Variants in ADK observed in about 807,000 individuals in gnomAD.
ADK encodes the protein N6,N6-dimethyladenosine kinase.
A neutral mutation model predicts 44.7 loss-of-function variants in ADK; 24 were observed. The ratio of observed to expected loss-of-function variants is 0.54; its 90% CI spans 0.39 to 0.76. The LOEUF is 0.76. Among genes scored for constraint, ADK ranks in the 30% least tolerant of loss-of-function variants. ADK has a pLI of 0.00. For missense variants in ADK, 321 were observed against 425.1 expected, an observed-to-expected ratio of 0.76 and a Z score of 2.15; for synonymous variants, 128 against 142.6, an observed-to-expected ratio of 0.90 and a Z score of 0.73.
intron 7 of ADK, among the ~76,000 whole-genome samples, chr10:74,577,901 ACTGTACC>A (rs2133883417): frequency 6.6e-6 from 1 of 152,242 alleles, no homozygotes; most frequent in African/African-American, 2.4e-5. Flanking sequence ...AAAAAATAAA[ACTGTACC>A]CTGTATATTT....
intron 9 of ADK, among the ~76,000 whole-genome samples, chr10:74,642,932 T>C (rs150210061): frequency 6.6e-6 from 1 of 151,068 alleles, no homozygotes; most frequent in East Asian, 2.0e-4. Context: ...CTCAAACTCC[T>C]GGGTTCAAAG....
intron 3 of ADK, among the ~76,000 whole-genome samples, chr10:74,285,320 G>A (rs928007656): frequency 2.6e-5 from 4 of 152,150 alleles, no homozygotes; most frequent in Non-Finnish European, 5.9e-5. Flanking sequence ...AAATGAGTGT[G>A]TGGCATGGTT....
intron 9 of ADK, among the ~76,000 whole-genome samples, chr10:74,617,336 G>A (rs777444817): frequency 1.3e-5 from 2 of 152,056 alleles, no homozygotes; most frequent in Non-Finnish European, 2.9e-5. Flanking sequence ...TCAGATAAAG[G>A]AAATTTCTTT....
intron 9 of ADK, among the ~76,000 whole-genome samples, chr10:74,651,238 C>T (rs1028918066): frequency 6.6e-6 from 1 of 152,008 alleles, no homozygotes; most frequent in Non-Finnish European, 1.5e-5. Flanking sequence ...AGGCTTGTGC[C>T]ATTCTTCTTA....
At chr10:74,480,706 T>C (rs1847035989) in intron 6 of ADK, among the ~76,000 whole-genome samples, 2 of 152,230 alleles carry the variant, frequency 1.3e-5, no homozygotes, top group East Asian at 3.9e-4. Context: ...GTCTTAGACC[T>C]TTCTTGTTTG....
intron 3 of ADK, among the ~76,000 whole-genome samples, chr10:74,257,132 A>G (rs1845853481): frequency 6.6e-6 from 1 of 152,202 alleles, no homozygotes; most frequent in Non-Finnish European, 1.5e-5. Context: ...TGAACTTTAT[A>G]TTTTACATGA....
chr10:74,303,054 A>G (rs1840114460), intron 3 of ADK, among the ~76,000 whole-genome samples: 1 of 151,954 alleles, frequency 6.6e-6, no homozygotes, highest in South Asian at 2.1e-4. Flanking sequence ...CATAATAAAG[A>G]TGCATCTTCA....
At chr10:74,510,418 A>G (rs962625472) in intron 6 of ADK, among the ~76,000 whole-genome samples, 1 of 152,004 alleles carries the variant, frequency 6.6e-6, no homozygotes, top group African/African-American at 2.4e-5. Flanking sequence ...GTTTTTTGCT[A>G]TTGAGATGTT....
At chr10:74,547,017 T>TC (rs1009837378) in intron 7 of ADK, among the ~76,000 whole-genome samples, 16 of 152,196 alleles carry the variant, frequency 1.1e-4, no homozygotes, top group African/African-American at 3.6e-4. Flanking sequence ...GTAGGGTTTT[T>TC]CCCACACATT....
At chr10:74,302,600 C>T (rs78477890) in intron 3 of ADK, among the ~76,000 whole-genome samples, 2,307 of 151,944 alleles carry the variant, frequency 0.015, 62 homozygotes, top group African/African-American at 0.053. Flanking sequence ...CAAAACCAGC[C>T]GGAGCAACTT....
chr10:74,258,043 C>T (rs1208137172), intron 3 of ADK, among the ~76,000 whole-genome samples: 3 of 152,292 alleles, frequency 2.0e-5, no homozygotes, highest in South Asian at 2.1e-4. Flanking sequence ...TTTTTCCTCA[C>T]TTGCTTCCTT....
chr10:74,571,271 A>C lies in ADK; in HGVS notation c.727-18011A>C, dbSNP rs1480613005. ...TCTCTTTTTTTGTTGTGTCTCTGCC[A>C]GGCTTTGGTATCAGGATGATGCTGG... On this transcript the variant is annotated intron_variant, in intron 7 of 10. Transcript: ENST00000539909. Among the ~76,000 whole-genome samples, 9 of 152,222 alleles carry C rather than the reference A, an allele frequency of 5.9e-5. No individual in the cohort carries two copies. In the East Asian group the frequency reaches 9.7e-4, roughly 16 times the overall value.
intron 9 of ADK, among the ~76,000 whole-genome samples, chr10:74,616,042 G>T (rs1405463805): frequency 6.6e-6 from 1 of 152,060 alleles, no homozygotes; most frequent in Non-Finnish European, 1.5e-5. Context: ...ATCTTTGATT[G>T]TATTGTTGTT....
chr10:74,461,957 T>C (rs557091567), intron 6 of ADK, among the ~76,000 whole-genome samples: 6 of 152,234 alleles, frequency 3.9e-5, no homozygotes, highest in African/African-American at 1.4e-4. Context: ...CAGGTTCTAT[T>C]ACAGGTTGCA....
At chr10:74,509,739 C>T (rs1259665478) in intron 6 of ADK, among the ~76,000 whole-genome samples, 1 of 152,008 alleles carries the variant, frequency 6.6e-6, no homozygotes, top group Admixed American at 6.6e-5. Flanking sequence ...CCTTCCTTTC[C>T]CCCTACTTTC....
At chr10:74,358,858 C>G (rs1239611485) in intron 4 of ADK, among the ~76,000 whole-genome samples, 2 of 152,078 alleles carry the variant, frequency 1.3e-5, no homozygotes, top group Non-Finnish European at 2.9e-5. Context: ...AAATGATACT[C>G]TGAGTCATAA....
At chr10:74,279,423 TA>T (rs1239805526) in intron 3 of ADK, among the ~76,000 whole-genome samples, 2 of 151,756 alleles carry the variant, frequency 1.3e-5, no homozygotes, top group East Asian at 3.9e-4. Flanking sequence ...CCGTCTCTAC[TA>T]AAAATACAAA....
chr10:74,352,273 C>G (rs184714386), intron 4 of ADK, among the ~76,000 whole-genome samples: 36 of 152,220 alleles, frequency 2.4e-4, no homozygotes, highest in Middle Eastern at 3.4e-3. Flanking sequence ...TAATACCACA[C>G]ATCTACAACC....
At chr10:74,601,803 A>G (rs1478940593) in intron 9 of ADK, among the ~76,000 whole-genome samples, 4 of 151,932 alleles carry the variant, frequency 2.6e-5, no homozygotes, top group Admixed American at 1.3e-4. Context: ...ATTAAAAGAA[A>G]GGAGGACAAG....
Sources: gnomAD v4.1 joint callset for allele counts (sites outside exome capture counted in the v4.1 genomes callset) on GRCh38, gnomAD v4.1.1 for gene constraint, MANE v1.5 for transcripts, NCBI Gene and HGNC (gene_info 2026-07-23, HGNC 2026-07-21) for gene names.